CFDP1: variants seen among roughly 807,000 people sequenced by gnomAD.
CFDP1 encodes heterochromatin-stabilizing protein CFDP1.
Under a neutral mutation model 40.1 loss-of-function variants are expected in CFDP1, and 31 were observed. The observed-to-expected ratio is 0.77, with a 90% CI of 0.58 to 1.04. The LOEUF (loss-of-function observed/expected upper bound fraction) is 1.04, where lower values mean the gene tolerates loss of function less well. Ranked by LOEUF, CFDP1 falls within the 50% of genes least tolerant of loss-of-function variation. The pLI is 0.00. For missense variants in CFDP1, 423 were observed against 343.4 expected (o/e 1.23, Z -1.83); for synonymous variants, 167 against 120.0 (o/e 1.39, Z -2.56).
chr16:75,307,954 A>G (rs915856700), intron 5 of CFDP1, among the ~76,000 whole-genome samples: 7 of 152,194 alleles, frequency 4.6e-5, no homozygotes, highest in African/African-American at 1.7e-4. Flanking sequence ...AGTTCTTTTC[A>G]TATGGGAACA....
chr16:75,378,289 C>T (rs974784038), intron 5 of CFDP1, among the ~76,000 whole-genome samples: 6 of 152,014 alleles, frequency 3.9e-5, no homozygotes, highest in Non-Finnish European at 4.4e-5. Context: ...TCTCACGTCT[C>T]TGCTTGAACT....
At chr16:75,347,365 GA>G (rs1555556955) in intron 5 of CFDP1, among the ~76,000 whole-genome samples, 1 of 70,096 alleles carries the variant, frequency 1.4e-5, no homozygotes, top group Non-Finnish European at 2.8e-5. Flanking sequence ...AAAAAAAAAA[GA>G]AAAAGAAAAA....
In CFDP1 at chr16:75,322,680, A is replaced by G. The variant is rs901391975; in HGVS notation, c.651-17498T>C. ...TTCCAAAATCCAAAATATTTTGAGC[A>G]CTGACATGACACTCAAAGGAGCATT... On this transcript the variant is annotated intron_variant, in intron 5 of 6. Transcript: ENST00000283882. Among the ~76,000 whole-genome samples, 9 of 152,290 alleles carry G rather than the reference A, an allele frequency of 5.9e-5. No individual in the cohort carries two copies. The South Asian group carries it at 8.3e-4, about 14-fold the overall frequency.
At chr16:75,399,889 G>A (rs2079033984) in intron 4 of CFDP1, among the ~76,000 whole-genome samples, 1 of 152,010 alleles carries the variant, frequency 6.6e-6, no homozygotes, top group Admixed American at 6.6e-5. Context: ...ATCACCTGAG[G>A]TTGGGAGTTC....
At chr16:75,409,696 G>C (rs1042541606) in intron 4 of CFDP1, among the ~76,000 whole-genome samples, 6 of 152,018 alleles carry the variant, frequency 3.9e-5, no homozygotes, top group African/African-American at 1.4e-4. Flanking sequence ...AGGCTGATGT[G>C]TCACAATGTC....
intron 5 of CFDP1, among the ~76,000 whole-genome samples, chr16:75,371,875 C>G (rs2078754203): frequency 6.6e-6 from 1 of 152,004 alleles, no homozygotes; most frequent in East Asian, 1.9e-4. Flanking sequence ...TTATAATTTC[C>G]TTGTCCTAAT....
At chr16:75,309,621 C>A (rs971871991) in intron 5 of CFDP1, among the ~76,000 whole-genome samples, 2 of 152,012 alleles carry the variant, frequency 1.3e-5, no homozygotes, top group African/African-American at 4.8e-5. Context: ...GAGATCGAGA[C>A]CATCCTGCCT....
chr16:75,430,318 C>T (rs1177843974), intron 1 of CFDP1, among the ~76,000 whole-genome samples: 2 of 152,006 alleles, frequency 1.3e-5, no homozygotes, highest in Non-Finnish European at 1.5e-5. Flanking sequence ...TACAGGCACA[C>T]GCCACCACAC....
chr16:75,413,471 T>A (rs1278205106), intron 2 of CFDP1, among the ~76,000 whole-genome samples: 1 of 145,198 alleles, frequency 6.9e-6, no homozygotes, highest in Non-Finnish European at 1.5e-5. Flanking sequence ...GGCAGGGAAC[T>A]GAACCCAGGA....
intron 5 of CFDP1, among the ~76,000 whole-genome samples, chr16:75,331,227 C>T (rs189527771): frequency 1.3e-5 from 2 of 152,304 alleles, no homozygotes; most frequent in Non-Finnish European, 2.9e-5. Context: ...GTCCTCTCCT[C>T]CCTTTACTTG....
At chr16:75,312,486 T>C (rs1173384405) in intron 5 of CFDP1, among the ~76,000 whole-genome samples, 3 of 152,178 alleles carry the variant, frequency 2.0e-5, no homozygotes, top group Admixed American at 1.3e-4. Context: ...TTTATACAAA[T>C]AGAAAATGAT....
intron 5 of CFDP1, among the ~76,000 whole-genome samples, chr16:75,371,370 A>T (rs1049674427): frequency 2.6e-5 from 4 of 152,204 alleles, no homozygotes; most frequent in African/African-American, 9.6e-5. Context: ...TCTAAAGATG[A>T]TTAAACACTG....
At chr16:75,358,783 C>T (rs561124220) in intron 5 of CFDP1, among the ~76,000 whole-genome samples, 78 of 152,224 alleles carry the variant, frequency 5.1e-4, no homozygotes, top group Non-Finnish European at 9.0e-4. Flanking sequence ...AAATTCTGAG[C>T]TTTAGAATTT....
Position 75,432,370 on chromosome 16 carries a change from TAAAAAAAAAAA to T in CFDP1, c.64+908_64+918del, listed in dbSNP as rs55961935. Among the ~76,000 whole-genome samples the T allele has an allele frequency of 4.6e-3, 490 of 105,580 alleles. 5 individuals are homozygous for T. The highest frequency in any genetic ancestry group is 0.017 in the African/African-American group (476 of 27,954). The allele number at this position is 105,580 out of a possible 152,430, so 69.3% of individuals were successfully genotyped here. On this transcript the variant is annotated intron_variant, in intron 1 of 6. Coordinates refer to ENST00000283882, the MANE Select transcript of CFDP1 (RefSeq NM_006324.3). ...GGGCAACATAGCAAGATGCCATTTC[TAAAAAAAAAAA>T]AAAAAAAAAAAATTTAAAAAATTAG... is the stretch of plus-strand genomic sequence containing the variant.
rs551504809 is a variant in CFDP1 at position 75,322,531 on chromosome 16, T to A, written c.651-17349A>T. On this transcript the variant is annotated intron_variant, in intron 5 of 6. Coordinates refer to ENST00000283882, the MANE Select transcript of CFDP1 (RefSeq NM_006324.3). ...CTGTATAGCATGTTACTGTACTAAG[T>A]ACTGTAGGCAACTGTAACAGAATGG... Among the ~76,000 whole-genome samples the A allele has an allele frequency of 2.0e-4, 31 of 152,298 alleles. No homozygotes were observed. The South Asian group carries it at 6.4e-3, about 32-fold the overall frequency.
At chr16:75,294,327 G>A (rs763491990) in intron 6 of CFDP1, among the ~76,000 whole-genome samples, 12 of 152,206 alleles carry the variant, frequency 7.9e-5, no homozygotes, top group Non-Finnish European at 1.2e-4. Flanking sequence ...AAGAATACCG[G>A]TTTACACAAG....
At position 75,308,906 on chromosome 16, in the gene CFDP1, C is replaced by T. The variant is rs142497872; in HGVS notation, c.651-3724G>A. Among the ~76,000 whole-genome samples the T allele has an allele frequency of 2.3e-4, 35 of 152,334 alleles. 1 individual carries two copies. Among genetic ancestry groups the T allele is most frequent in the Admixed American group, 9.1e-4 (14 of 15,306 alleles). On this transcript the variant is annotated intron_variant, in intron 5 of 6. Coordinates refer to ENST00000283882, the MANE Select transcript of CFDP1 (RefSeq NM_006324.3). ...AAAACCATAATACCCCTTTGCCTTG[C>T]TCACCATTAAACATCAGTAAAATGT... is the stretch of plus-strand genomic sequence containing the variant.
chr16:75,368,365 G>A (rs79378569), intron 5 of CFDP1, among the ~76,000 whole-genome samples: 7 of 152,194 alleles, frequency 4.6e-5, no homozygotes, highest in Non-Finnish European at 8.8e-5. Flanking sequence ...ATATTCAGTG[G>A]AGGTTTTGGT....
intron 1 of CFDP1, among the ~76,000 whole-genome samples, chr16:75,425,896 C>A (rs1232951462): frequency 1.3e-5 from 2 of 150,516 alleles, no homozygotes; most frequent in Non-Finnish European, 3.0e-5. Flanking sequence ...ATTAGCCAGG[C>A]GTGGTGGCAG....
Sources: gnomAD v4.1 joint callset for allele counts (sites outside exome capture counted in the v4.1 genomes callset) on GRCh38, gnomAD v4.1.1 for gene constraint, MANE v1.5 for transcripts, NCBI Gene and HGNC (gene_info 2026-07-23, HGNC 2026-07-21) for gene names.